Variants in TRERF1 observed in about 807,000 individuals in gnomAD.
The protein encoded by TRERF1 is transcriptional-regulating factor 1.
A neutral mutation model predicts 122.9 loss-of-function variants in TRERF1; 27 were observed. The observed-to-expected ratio is 0.22, with a 90% CI of 0.16 to 0.30. The LOEUF (loss-of-function observed/expected upper bound fraction) is 0.30. TRERF1 is among the 10% of genes least tolerant of loss of function. The probability of loss-of-function intolerance (pLI) is 1.00; values close to 1 mark genes in which losing one functional copy is unlikely to be tolerated. For synonymous variants in TRERF1, 636 were observed against 641.7 expected (o/e 0.99, Z 0.13); for missense variants, 1,248 against 1,560.3 (o/e 0.80, Z 3.37).
intron 3 of TRERF1, among the ~76,000 whole-genome samples, chr6:42,320,342 G>A (rs895722889): frequency 1.3e-5 from 2 of 152,048 alleles, no homozygotes; most frequent in African/African-American, 4.8e-5. Flanking sequence ...GTGGTGGAGC[G>A]TTTAGCCTAT....
At chr6:42,386,553 TG>T (rs1323981127) in intron 2 of TRERF1, among the ~76,000 whole-genome samples, 1 of 152,306 alleles carries the variant, frequency 6.6e-6, no homozygotes, top group East Asian at 1.9e-4. Flanking sequence ...TTGTAGCACT[TG>T]GCATGGAGCG....
At chr6:42,264,952 A>C in intron 6 of TRERF1, 98 bp from the exon 7 acceptor site, 1 of 1,316,726 alleles carries the variant, frequency 7.6e-7, no homozygotes, top group African/African-American at 1.5e-5. Context: ...AACCCATTTC[A>C]TTCATCCAAT....
intron 2 of TRERF1, among the ~76,000 whole-genome samples, chr6:42,412,000 CTT>C (rs5875801): frequency 5.6e-5 from 7 of 125,272 alleles, no homozygotes; most frequent in Non-Finnish European, 8.0e-5. Context: ...TTAAAAAATC[CTT>C]TTTTTTTTTT....
intron 2 of TRERF1, among the ~76,000 whole-genome samples, chr6:42,402,352 A>G (rs1582018731): frequency 6.6e-6 from 1 of 152,214 alleles, no homozygotes; most frequent in East Asian, 1.9e-4. Context: ...TGCAGCCACC[A>G]TAGGTACCGC....
At chr6:42,405,813 A>T (rs1430416227) in intron 2 of TRERF1, among the ~76,000 whole-genome samples, 8 of 151,716 alleles carry the variant, frequency 5.3e-5, no homozygotes, top group African/African-American at 9.7e-5. Context: ...AAAAATTAAA[A>T]AAATTAAAAA....
chr6:42,239,529 C>G (rs1425304371), intron 15 of TRERF1, among the ~76,000 whole-genome samples: 1 of 152,182 alleles, frequency 6.6e-6, no homozygotes, highest in African/African-American at 2.4e-5. Flanking sequence ...CTTCTTTTCC[C>G]CTCTCAAGTC....
At chr6:42,433,818 G>C (rs1446955075) in intron 2 of TRERF1, among the ~76,000 whole-genome samples, 3 of 151,984 alleles carry the variant, frequency 2.0e-5, no homozygotes, top group Non-Finnish European at 4.4e-5. Context: ...AGGAGTTCAA[G>C]ACCAGCCTGG....
At chr6:42,273,578 G>A (rs1235872105) in intron 4 of TRERF1, among the ~76,000 whole-genome samples, 1 of 152,198 alleles carries the variant, frequency 6.6e-6, no homozygotes, top group African/African-American at 2.4e-5. Flanking sequence ...TCCAGACAGG[G>A]AACAGCATAA....
rs1433238736 is a variant in TRERF1, at chr6:42,228,351, T to C, written c.3597A>G (p.Glu1199=). The C allele has an allele frequency of 6.2e-7, 1 of 1,611,260 alleles. No individual in the cohort carries two copies. Among genetic ancestry groups the C allele is most frequent in the African/African-American group, 1.3e-5 (1 of 74,886 alleles). Residue 1199 remains glutamate (E), a synonymous_variant, in exon 18 of 18, where the codon GAA becomes GAG. Transcript: ENST00000372922. The surrounding 1 kb of genome is among the most constrained non-coding windows in gnomAD (Gnocchi z 4.2). The stretch of plus-strand genomic sequence containing the variant: ...CTAAGTGACACACAGGGCTTTATAG[T>C]TCTGCGTCACCCTGAAGCAAGACTG...
chr6:42,401,442 C>G (rs150839145), intron 2 of TRERF1, among the ~76,000 whole-genome samples: 5 of 152,310 alleles, frequency 3.3e-5, no homozygotes, highest in South Asian at 2.1e-4. Context: ...CTTAAAACCA[C>G]CCAATTCAGG....
At chr6:42,326,127 C>A (rs931497211) in intron 3 of TRERF1, among the ~76,000 whole-genome samples, 1 of 152,066 alleles carries the variant, frequency 6.6e-6, no homozygotes, top group Non-Finnish European at 1.5e-5. Context: ...ACACACTATA[C>A]CCTTGTAACA....
intron 2 of TRERF1, among the ~76,000 whole-genome samples, chr6:42,404,995 G>A (rs1288959591): frequency 5.3e-5 from 8 of 152,168 alleles, no homozygotes; most frequent in Admixed American, 5.2e-4. Context: ...AGTTTCTCAG[G>A]GGGCTGGATA....
At chr6:42,409,716 A>G (rs1780827046) in intron 2 of TRERF1, among the ~76,000 whole-genome samples, 1 of 152,116 alleles carries the variant, frequency 6.6e-6, no homozygotes, top group African/African-American at 2.4e-5. Flanking sequence ...TTGTTCCTAT[A>G]TTGTTATGAC....
chr6:42,395,158 G>A (rs1429951719), intron 2 of TRERF1, among the ~76,000 whole-genome samples: 2 of 152,202 alleles, frequency 1.3e-5, no homozygotes, highest in Admixed American at 6.5e-5. Flanking sequence ...CAGCCCACAT[G>A]GGGCTGTGTG....
At chr6:42,252,883 G>A (rs138093097) in intron 13 of TRERF1, among the ~76,000 whole-genome samples, 152 of 152,278 alleles carry the variant, frequency 1.0e-3, no homozygotes, top group African/African-American at 3.4e-3. Flanking sequence ...GCAAACATAG[G>A]TGAGTATGTT....
At chr6:42,293,739 AC>A in intron 4 of TRERF1, among the ~76,000 whole-genome samples, 1 of 70,760 alleles carries the variant, frequency 1.4e-5, no homozygotes, top group African/African-American at 5.5e-5. Context: ...CCTGTCCTCC[AC>A]CCACCCCCCA....
intron 2 of TRERF1, among the ~76,000 whole-genome samples, chr6:42,388,153 CA>C (rs1457732905): frequency 1.3e-5 from 2 of 151,856 alleles, no homozygotes; most frequent in Non-Finnish European, 2.9e-5. Flanking sequence ...GTATCAAAAC[CA>C]ATTGGGAGAT....
At chr6:42,252,406 C>T (rs1376113297) in intron 13 of TRERF1, among the ~76,000 whole-genome samples, 1 of 152,246 alleles carries the variant, frequency 6.6e-6, no homozygotes, top group African/African-American at 2.4e-5. Flanking sequence ...CTCAGGCAGG[C>T]CTGGGAGACC....
intron 2 of TRERF1, among the ~76,000 whole-genome samples, chr6:42,366,120 C>G (rs553723872): frequency 2.0e-5 from 3 of 152,302 alleles, no homozygotes; most frequent in African/African-American, 7.2e-5. Context: ...CCAGCCCTCT[C>G]CTGCAGTCTG....
Sources: gnomAD v4.1 joint callset for allele counts (sites outside exome capture counted in the v4.1 genomes callset) on GRCh38, gnomAD v4.1.1 for gene constraint, Gnocchi (gnomAD v3.1) non-coding constraint, MANE v1.5 for transcripts, NCBI Gene and HGNC (gene_info 2026-07-23, HGNC 2026-07-21) for gene names.